Variants in KIAA2012 observed in about 807,000 individuals in gnomAD.
KIAA2012 encodes the protein uncharacterized protein KIAA2012.
In KIAA2012, 125 loss-of-function variants were observed where a neutral mutation model predicts 150.6. That is an observed-to-expected ratio of 0.83 (90% CI 0.72 to 0.96). The LOEUF (loss-of-function observed/expected upper bound fraction) is 0.96, where lower values mean the gene tolerates loss of function less well. Among genes scored for constraint, KIAA2012 ranks in the 40% least tolerant of loss-of-function variants. KIAA2012 has a pLI of 0.00. For synonymous variants in KIAA2012, 462 were observed against 504.7 expected (o/e 0.92, Z 1.13); for missense variants, 1,219 against 1,354.9 (o/e 0.90, Z 1.57).
intron 12 of KIAA2012, among the ~76,000 whole-genome samples, chr2:202,132,215 G>C (rs777008606): frequency 6.6e-6 from 1 of 151,972 alleles, no homozygotes; most frequent in Non-Finnish European, 1.5e-5. Flanking sequence ...AGGAATTTAC[G>C]CCAATGATGG....
intron 2 of KIAA2012, among the ~76,000 whole-genome samples, chr2:202,082,106 C>T (rs920429302): frequency 6.6e-6 from 1 of 152,100 alleles, no homozygotes; most frequent in South Asian, 2.1e-4. Context: ...GCGTGTTGAC[C>T]ATTTGTATAT....
intron 9 of KIAA2012, among the ~76,000 whole-genome samples, chr2:202,107,598 A>T (rs1375613941): frequency 6.6e-6 from 1 of 152,188 alleles, no homozygotes; most frequent in Non-Finnish European, 1.5e-5. Flanking sequence ...GGAACTGAGT[A>T]CCAGAACTTG....
chr2:202,106,122 T>C (rs936649869), intron 9 of KIAA2012: 3 of 1,358,548 alleles, frequency 2.2e-6, no homozygotes, highest in Non-Finnish European at 2.9e-6. Flanking sequence ...AGTTACTTAC[T>C]CCCTAACTCA....
intron 13 of KIAA2012, among the ~76,000 whole-genome samples, chr2:202,143,075 A>ATTTTTTTTTTTT (rs59488285): frequency 2.4e-5 from 3 of 124,988 alleles, no homozygotes; most frequent in Non-Finnish European, 1.6e-5. Flanking sequence ...CACTGGTTTA[A>ATTTTTTTTTTTT]TTTTTTTTTT....
intron 12 of KIAA2012, 109 bp downstream of exon 12, chr2:202,125,391 A>C: frequency 1.3e-6 from 1 of 795,710 alleles, no homozygotes; most frequent in South Asian, 1.6e-5. Context: ...CCCCAAATAT[A>C]CCAATAAGTA....
intron 2 of KIAA2012, among the ~76,000 whole-genome samples, chr2:202,088,536 G>C (rs980417432): frequency 7.2e-5 from 11 of 152,192 alleles, no homozygotes; most frequent in African/African-American, 2.7e-4. Flanking sequence ...GTTCTCCTCA[G>C]CTCCCTTTAG....
intron 21 of KIAA2012, among the ~76,000 whole-genome samples, chr2:202,195,558 T>C (rs1409826298): frequency 3.9e-5 from 6 of 151,990 alleles, no homozygotes; most frequent in Admixed American, 6.6e-5. Context: ...TGCACTCTTA[T>C]AGCTATTTGA....
chr2:202,114,652 T>C (rs1056267509), intron 11 of KIAA2012: 2 of 162,942 alleles, frequency 1.2e-5, no homozygotes, highest in East Asian at 3.9e-4. Context: ...ATATGATGCT[T>C]CAGTCATTTT....
intron 14 of KIAA2012, among the ~76,000 whole-genome samples, chr2:202,155,958 C>T (rs930838574): frequency 6.6e-6 from 1 of 152,208 alleles, no homozygotes; most frequent in Non-Finnish European, 1.5e-5. Context: ...ATGTGGGTCA[C>T]TTATCCATAC....
At chr2:202,092,778 C>T (rs1020432116) in intron 3 of KIAA2012, among the ~76,000 whole-genome samples, 1 of 152,078 alleles carries the variant, frequency 6.6e-6, no homozygotes, top group African/African-American at 2.4e-5. Context: ...ACCAGGGAGA[C>T]CCAGTTCTTG....
intron 14 of KIAA2012, among the ~76,000 whole-genome samples, chr2:202,163,991 A>T (rs1359247057): frequency 6.6e-6 from 1 of 152,164 alleles, no homozygotes; most frequent in Non-Finnish European, 1.5e-5. Flanking sequence ...GGGGAATTAA[A>T]GAGAGTGCCA....
intron 15 of KIAA2012, 113 bp downstream of exon 15, chr2:202,165,469 C>A (rs1303417390): frequency 1.9e-6 from 2 of 1,044,714 alleles, no homozygotes; most frequent in Non-Finnish European, 2.8e-6. Context: ...CGCCTGTAGT[C>A]CCAGCACTTT....
intron 23 of KIAA2012, 81 bp downstream of exon 23, chr2:202,202,668 A>G (rs1692552464): frequency 2.5e-6 from 1 of 395,328 alleles, no homozygotes; most frequent in East Asian, 3.6e-5. Flanking sequence ...TGGCTCATGC[A>G]TGTAATCCCA....
chr2:202,133,125 TATATA>T (rs1183808854), intron 12 of KIAA2012, among the ~76,000 whole-genome samples: 2 of 109,258 alleles, frequency 1.8e-5, no homozygotes, highest in African/African-American at 3.7e-5. Context: ...TATATATATA[TATATA>T]TTTTTTTTTT....
At chr2:202,090,951 G>A (rs1689704667) in intron 3 of KIAA2012, 22 bp downstream of exon 3, 1 of 1,528,508 alleles carries the variant, frequency 6.5e-7, no homozygotes, top group African/African-American at 1.4e-5. Flanking sequence ...AATGGGAGGG[G>A]GGCACACCCC....
At chr2:202,164,502 G>A (rs1471380956) in intron 14 of KIAA2012, among the ~76,000 whole-genome samples, 1 of 152,208 alleles carries the variant, frequency 6.6e-6, no homozygotes, top group East Asian at 1.9e-4. Context: ...ATGACTCAAG[G>A]AAAGAAGGAA....
chr2:202,094,637 G>C (rs1689816817), intron 4 of KIAA2012, among the ~76,000 whole-genome samples: 1 of 151,892 alleles, frequency 6.6e-6, no homozygotes, highest in South Asian at 2.1e-4. Flanking sequence ...CTCCCACTTA[G>C]CCTCCTAAGT....
chr2:202,074,194 A>G (rs1689270859), intron 1 of KIAA2012, among the ~76,000 whole-genome samples: 1 of 152,104 alleles, frequency 6.6e-6, no homozygotes, highest in Admixed American at 6.6e-5. Context: ...AGAGGTGGCA[A>G]AATTCCCTTG....
At chr2:202,115,085 G>A (rs113986088) in intron 11 of KIAA2012, 232 of 161,916 alleles carry the variant, frequency 1.4e-3, no homozygotes, top group Middle Eastern at 0.01. Flanking sequence ...GATTTTTTTG[G>A]TTTGGGCTTT....
Sources: allele counts gnomAD v4.1 joint callset (sites outside exome capture counted in the v4.1 genomes callset), GRCh38; gene constraint gnomAD v4.1.1; transcripts MANE v1.5; gene names NCBI Gene and HGNC (gene_info 2026-07-23, HGNC 2026-07-21).